Variants in SLCO4A1 observed in about 807,000 individuals in gnomAD.
SLCO4A1 encodes the protein colon organic anion transporter.
A neutral mutation model predicts 64.6 loss-of-function variants in SLCO4A1; 51 were observed. The observed-to-expected ratio is 0.79, with a 90% confidence interval of 0.63 to 1.00. The LOEUF (loss-of-function observed/expected upper bound fraction) is 1.00, where lower values mean the gene tolerates loss of function less well. Among genes scored for constraint, SLCO4A1 ranks in the 50% least tolerant of loss-of-function variants. The probability of loss-of-function intolerance (pLI) is 0.00; values close to 1 mark genes in which losing one functional copy is unlikely to be tolerated. For missense variants in SLCO4A1, 919 were observed against 980.5 expected, an observed-to-expected ratio of 0.94 and a Z score of 0.84; for synonymous variants, 471 against 444.9, an observed-to-expected ratio of 1.06 and a Z score of -0.74.
downstream of SLCO4A1, among the ~76,000 whole-genome samples, chr20:62,687,190 G>T (rs1401697608): frequency 6.7e-6 from 1 of 148,746 alleles, no homozygotes; most frequent in Admixed American, 6.7e-5. Flanking sequence ...AAACAGGAGC[G>T]ATGGAAAGGG....
chr20:62,661,039 C>CCCCCCCCCCCCCCCCCCCA lies in SLCO4A1; in HGVS notation c.1010-23_1010-22insCCCCCCCCCCCCCCCCACC. The CCCCCCCCCCCCCCCCCCCA allele has an allele frequency of 7.3e-7, 1 of 1,364,036 alleles. No individual in the cohort carries two copies. Among genetic ancestry groups the CCCCCCCCCCCCCCCCCCCA allele is most frequent in the Non-Finnish European group, 1.0e-6 (1 of 955,432 alleles). The allele number at this position is 1,364,036 out of a possible 1,614,324, so 84.5% of individuals were successfully genotyped here. A position where few individuals can be genotyped will look rare whatever the true frequency, so the allele number is the denominator to read the frequency against. ...CCTCCGGGAGCCCCCAGCCCCCAGC[C>CCCCCCCCCCCCCCCCCCCA]CCAGCTCACTCTGTGCCCTTCCAGG... On this transcript the variant is annotated intron_variant, in intron 4 of 11. Coordinates refer to ENST00000217159, the MANE Select transcript of SLCO4A1 (RefSeq NM_016354.4). The surrounding 1 kb of genome is among the most constrained non-coding windows in gnomAD (Gnocchi z 5.2).
rs1157247898 is a variant in SLCO4A1 at position 62,645,598 on chromosome 20, C to T, written c.-97+3045C>T. ...TCAGTTCTTTTCAGTAGCCTCCTTC[C>T]CACCAGCATCACACAGAATTAGACC... On this transcript the variant is annotated intron_variant, in intron 1 of 11. Transcript: ENST00000217159. This position sits in a 1 kb window ranked among gnomAD's most constrained non-coding sequence, Gnocchi z 4.2. 6.6e-6 allele frequency among the ~76,000 whole-genome samples: 1 copy of T among 151,734 alleles called. No individual in the cohort carries two copies. Among genetic ancestry groups the T allele is most frequent in the Non-Finnish European group, 1.5e-5 (1 of 67,912 alleles).
chr20:62,671,224 C>A (rs1987164796), intron 11 of SLCO4A1, among the ~76,000 whole-genome samples: 1 of 152,236 alleles, frequency 6.6e-6, no homozygotes, highest in African/African-American at 2.4e-5. Context: ...CAAAGGACCG[C>A]AAGCGGGGTG....
chr20:62,654,177 G>A (rs532732612), intron 1 of SLCO4A1, among the ~76,000 whole-genome samples: 10 of 152,280 alleles, frequency 6.6e-5, no homozygotes, highest in African/African-American at 2.2e-4. Context: ...GGTCCTGAGA[G>A]CGCCACGCCC....
intron 5 of SLCO4A1, among the ~76,000 whole-genome samples, chr20:62,662,275 A>T (rs1054937488): frequency 6.6e-6 from 1 of 151,994 alleles, no homozygotes; most frequent in Non-Finnish European, 1.5e-5. Context: ...CCTGCTAAGG[A>T]GGGTGACCCC....
At chr20:62,690,017 G>A (rs1988178301), downstream of SLCO4A1, among the ~76,000 whole-genome samples, 1 of 152,210 alleles carries the variant, frequency 6.6e-6, no homozygotes, top group African/African-American at 2.4e-5. Flanking sequence ...CCTGGCCTCT[G>A]TGCCTGCTTT....
rs999748390 is a variant in SLCO4A1 at position 62,645,239 on chromosome 20, A to G, written c.-97+2686A>G. 6.6e-6 allele frequency among the ~76,000 whole-genome samples: 1 copy of G among 152,062 alleles called. No homozygotes were observed. Among genetic ancestry groups the G allele is most frequent in the African/African-American group, 2.4e-5 (1 of 41,398 alleles). On this transcript the variant is annotated intron_variant, in intron 1 of 11. Coordinates refer to ENST00000217159, the MANE Select transcript of SLCO4A1 (RefSeq NM_016354.4). The surrounding 1 kb of genome is among the most constrained non-coding windows in gnomAD (Gnocchi z 4.2). The stretch of plus-strand genomic sequence containing the variant: ...GGGAGGTGCCAGTAACTCACATGCT[A>G]GGTTAACAGGTTCTGGGTGACTCTG...
intron 11 of SLCO4A1, 148 bp from the exon 12 acceptor site, chr20:62,671,602 A>G: frequency 2.8e-6 from 2 of 709,850 alleles, no homozygotes; most frequent in Non-Finnish European, 4.9e-6. Flanking sequence ...TTATATGGGA[A>G]AGATACCCTC....
chr20:62,668,326 C>T, intron 9 of SLCO4A1, 142 bp downstream of exon 9: 2 of 1,232,410 alleles, frequency 1.6e-6, no homozygotes, highest in Non-Finnish European at 2.4e-6. Flanking sequence ...CAGGAGAGAC[C>T]TCACTGTCTC....
At chr20:62,665,143 G>A in intron 6 of SLCO4A1, 55 bp downstream of exon 6, 3 of 1,553,904 alleles carry the variant, frequency 1.9e-6, no homozygotes, top group South Asian at 1.2e-5. Flanking sequence ...CTCAGAAACA[G>A]AGTCTTCAAG....
At position 62,661,730 on chromosome 20, in the gene SLCO4A1, T is replaced by A. The variant is rs1356553776; in HGVS notation, c.1121+555T>A. On this transcript the variant is annotated intron_variant, in intron 5 of 11. Transcript: ENST00000217159. This position sits in a 1 kb window ranked among gnomAD's most constrained non-coding sequence, Gnocchi z 5.2. ...TCTACCCGGCGTGTCCCGCTCACCC[T>A]CTGGGGAGGTTGCTTGCTTTGCCGT... Among the ~76,000 whole-genome samples, 1 of 150,094 alleles carries A rather than the reference T, an allele frequency of 6.7e-6. No homozygotes were observed. The highest frequency in any genetic ancestry group is 2.5e-5 in the African/African-American group (1 of 40,466).
At chr20:62,674,019 T>C (rs1987468440), downstream of SLCO4A1, among the ~76,000 whole-genome samples, 1 of 152,196 alleles carries the variant, frequency 6.6e-6, no homozygotes, top group Non-Finnish European at 1.5e-5. Context: ...TCTATGGCAG[T>C]GGCTGGCACT....
Position 62,644,174 on chromosome 20 carries a change from G to C in SLCO4A1, c.-97+1621G>C, listed in dbSNP as rs920186845. Among the ~76,000 whole-genome samples the C allele has an allele frequency of 2.0e-5, 3 of 152,094 alleles. No homozygotes were observed. Among genetic ancestry groups the C allele is most frequent in the Non-Finnish European group, 4.4e-5 (3 of 68,010 alleles). Reference sequence around the variant, plus strand: ...ACCAGTAGGATGTTGCTCGGGCCGAGACCACACAGCCCGACTTCCCTCTGT... The same window carrying C: ...ACCAGTAGGATGTTGCTCGGGCCGACACCACACAGCCCGACTTCCCTCTGT... On this transcript the variant is annotated intron_variant, in intron 1 of 11. Transcript: ENST00000217159. This position sits in a 1 kb window ranked among gnomAD's most constrained non-coding sequence, Gnocchi z 5.4.
In SLCO4A1 at chr20:62,644,187, G is replaced by A. The variant is rs1055205349; in HGVS notation, c.-97+1634G>A. Among the ~76,000 whole-genome samples, 5 of 152,210 alleles carry A rather than the reference G, an allele frequency of 3.3e-5. No individual in the cohort carries two copies. Among genetic ancestry groups the A allele is most frequent in the East Asian group, 3.9e-4 (2 of 5,194 alleles). On this transcript the variant is annotated intron_variant, in intron 1 of 11. Transcript: ENST00000217159. This position sits in a 1 kb window ranked among gnomAD's most constrained non-coding sequence, Gnocchi z 5.4. The stretch of plus-strand genomic sequence containing the variant: ...TGCTCGGGCCGAGACCACACAGCCC[G>A]ACTTCCCTCTGTGCTGCTGGAGGGA...
chr20:62,647,846 G>A (rs911189588), intron 1 of SLCO4A1, among the ~76,000 whole-genome samples: 1 of 152,236 alleles, frequency 6.6e-6, no homozygotes, highest in African/African-American at 2.4e-5. Flanking sequence ...CCAGGTCACT[G>A]TCCTGGCTTG....
rs760675903 is a variant in SLCO4A1, at chr20:62,671,788, A to T, written c.2064A>T (p.Leu688Phe). The change falls in exon 12 of 12, where the codon TTA becomes TTT. Residue 688 changes from leucine to phenylalanine, a missense_variant. Transcript: ENST00000217159. ...GVLFFAIACF[L>F]YKPLSESSDG... ...TCTTCTTTGCCATAGCCTGCTTCTT[A>T]TACAAGCCCCTGTCGGAGTCTTCAG... 6.2e-6 allele frequency: 10 copies of T among 1,613,520 alleles called. No homozygotes were observed. The highest frequency in any genetic ancestry group is 8.5e-6 in the Non-Finnish European group (10 of 1,180,022).
chr20:62,663,882 A>G (rs933694050), intron 5 of SLCO4A1, among the ~76,000 whole-genome samples: 4 of 152,182 alleles, frequency 2.6e-5, no homozygotes, highest in African/African-American at 9.7e-5. Flanking sequence ...TGCGTGGTTT[A>G]CACCATGCAA....
Position 62,667,116 on chromosome 20 carries a change from C to G in SLCO4A1, c.1472+541C>G, listed in dbSNP as rs577707288. 3.3e-5 allele frequency among the ~76,000 whole-genome samples: 5 copies of G among 152,358 alleles called. No homozygotes were observed. The South Asian group carries it at 1.0e-3, about 32-fold the overall frequency. On this transcript the variant is annotated intron_variant, in intron 7 of 11. Coordinates refer to ENST00000217159, the MANE Select transcript of SLCO4A1 (RefSeq NM_016354.4). ...GCAGCCGTTGTGGCATTATCGGAAC[C>G]TAAGAGTCATCAGGGTGGACGGGGT...
At chr20:62,660,660 T>C in intron 4 of SLCO4A1, 127 bp downstream of exon 4, 3 of 1,151,330 alleles carry the variant, frequency 2.6e-6, no homozygotes, top group Admixed American at 3.7e-5. Flanking sequence ...ACACCCTCAT[T>C]CTCAGTGTTC....
Sources: gnomAD v4.1 joint callset for allele counts (sites outside exome capture counted in the v4.1 genomes callset) on GRCh38, gnomAD v4.1.1 for gene constraint, Gnocchi (gnomAD v3.1) non-coding constraint, MANE v1.5 for transcripts, NCBI Gene and HGNC (gene_info 2026-07-23, HGNC 2026-07-21) for gene names.